Variants in IRF2 observed in about 807,000 individuals in gnomAD.
The protein encoded by IRF2 is interferon regulatory factor 2.
Under a neutral mutation model 40.6 loss-of-function variants are expected in IRF2, and 15 were observed. The observed-to-expected ratio is 0.37, with a 90% CI of 0.25 to 0.57. IRF2 has a LOEUF of 0.57. Ranked by LOEUF, IRF2 falls within the 20% of genes least tolerant of loss-of-function variation. The pLI is 0.77. For synonymous variants in IRF2, 151 were observed against 165.5 expected, an observed-to-expected ratio of 0.91 and a Z score of 0.67; for missense variants, 317 against 455.7, an observed-to-expected ratio of 0.70 and a Z score of 2.77.
At position 184,388,564 on chromosome 4, in the gene IRF2, C is replaced by T. The variant is rs1736136546; in HGVS notation, c.*194G>A. Reference sequence around the variant, plus strand: ...TCCAGCAGGCTCTAGAAACACACGTCTACCAATGGGCTGGAGTCCTGAGTT... The same window carrying T: ...TCCAGCAGGCTCTAGAAACACACGTTTACCAATGGGCTGGAGTCCTGAGTT... On this transcript the variant is annotated 3_prime_UTR_variant, in exon 9 of 9. Transcript: ENST00000393593. The surrounding 1 kb of genome is among the most constrained non-coding windows in gnomAD (Gnocchi z 4.6). The T allele has an allele frequency of 1.4e-5, 8 of 584,720 alleles. No homozygotes were observed. In the South Asian group the frequency reaches 1.8e-4, roughly 13 times the overall value. 36.2% of individuals were successfully genotyped at this position (584,720 alleles called of 1,614,324 possible).
chr4:184,438,377 T>C (rs1486727441), intron 1 of IRF2, among the ~76,000 whole-genome samples: 4 of 152,232 alleles, frequency 2.6e-5, no homozygotes, highest in African/African-American at 9.6e-5. Flanking sequence ...CACTTTTAAC[T>C]TAATTTTAAT....
rs534947929 is a variant in IRF2 at position 184,390,099 on chromosome 4, C to T, written c.741+604G>A. Among the ~76,000 whole-genome samples the T allele has an allele frequency of 2.0e-5, 3 of 152,280 alleles. No homozygotes were observed. In the East Asian group the frequency reaches 5.8e-4, roughly 29 times the overall value. On this transcript the variant is annotated intron_variant, in intron 8 of 8. Coordinates refer to ENST00000393593, the MANE Select transcript of IRF2 (RefSeq NM_002199.4). ...CCATGAGCTTCCCTCTCTCTTGCTC[C>T]CTCCCTCTCTCTCTCTCATTCACTC...
intron 2 of IRF2, 81 bp from the exon 3 acceptor site, chr4:184,419,649 A>G (rs2149900722): frequency 1.1e-6 from 1 of 914,778 alleles, no homozygotes; most frequent in Non-Finnish European, 1.7e-6. Flanking sequence ...GTGAAGGTCT[A>G]GCCAGCAAGA....
intron 6 of IRF2, among the ~76,000 whole-genome samples, chr4:184,401,027 A>G (rs1456143076): frequency 1.3e-5 from 2 of 152,250 alleles, no homozygotes; most frequent in Admixed American, 1.3e-4. Context: ...CCTGTTATAG[A>G]TGAAGAAACT....
chr4:184,456,286 A>G lies in IRF2; in HGVS notation c.-7+18093T>C, dbSNP rs1738929317. Among the ~76,000 whole-genome samples the G allele has an allele frequency of 2.0e-5, 3 of 152,220 alleles. No individual in the cohort carries two copies. The South Asian group carries it at 6.2e-4, about 32-fold the overall frequency. ...TTTATGTAAAAACCCAGAAGAGAGG[A>G]CTCTGGAAGGCTTCCTAGAAGAGGG... On this transcript the variant is annotated intron_variant, in intron 1 of 8. Transcript: ENST00000393593.
chr4:184,403,318 G>C (rs1028332621), intron 6 of IRF2, among the ~76,000 whole-genome samples: 1 of 152,120 alleles, frequency 6.6e-6, no homozygotes, highest in Non-Finnish European at 1.5e-5. Context: ...GGACCACCAA[G>C]CGGCAAAACA....
chr4:184,472,898 C>G (rs926219263), intron 1 of IRF2, among the ~76,000 whole-genome samples: 1 of 152,230 alleles, frequency 6.6e-6, no homozygotes, highest in African/African-American at 2.4e-5. Context: ...TTCCCCTCCC[C>G]CGCTTCTTAG....
chr4:184,408,233 T>C lies in IRF2; in HGVS notation c.454A>G (p.Ser152Gly). Residue 152 changes from serine to glycine, a missense_variant, in exon 6 of 9, where the codon AGT (serine) becomes GGT (glycine). By Grantham distance (56) the Ser-to-Gly change is moderately conservative (BLOSUM62 0). Around this residue, in one of 2 missense-constraint regions of IRF2, gnomAD observed 262 missense variants for 334.0 expected, o/e 0.78. Transcript: ENST00000393593. This position sits in a 1 kb window ranked among gnomAD's most constrained non-coding sequence, Gnocchi z 4.9. Reference protein sequence around the residue: ...ESSLGLSNGVSDLSPEYAVLT... With the variant: ...ESSLGLSNGVGDLSPEYAVLT... ...ACCGCATACTCAGGAGAAAGATCAC[T>C]TACTCCATTACTAAGCCCCAGAGAT... 6.2e-7 allele frequency: 1 copy of C among 1,613,434 alleles called. No individual in the cohort carries two copies. Among genetic ancestry groups the C allele is most frequent in the African/African-American group, 1.3e-5 (1 of 75,040 alleles).
intron 2 of IRF2, among the ~76,000 whole-genome samples, chr4:184,420,379 A>G (rs1482965539): frequency 6.6e-6 from 1 of 152,082 alleles, no homozygotes; most frequent in African/African-American, 2.4e-5. Context: ...AAATATCTCC[A>G]TTTGCTTGTG....
intron 1 of IRF2, among the ~76,000 whole-genome samples, chr4:184,446,674 C>G (rs1179903861): frequency 5.3e-5 from 8 of 152,104 alleles, no homozygotes; most frequent in African/African-American, 1.9e-4. Context: ...TTTCATATAT[C>G]TCAATAAACA....
intron 1 of IRF2, among the ~76,000 whole-genome samples, chr4:184,473,100 T>C (rs1408552855): frequency 6.6e-6 from 1 of 151,504 alleles, no homozygotes; most frequent in Non-Finnish European, 1.5e-5. Context: ...CGCGGCCGGC[T>C]TCACTCGGTG....
chr4:184,418,617 T>G lies in IRF2; in HGVS notation c.279A>C (p.Glu93Asp). Reference sequence around the variant, plus strand: ...CTTTCTTTATGCTTTTATCCTTGACTTCTTCAATATCAGGCAAGGAATTCA... The same window carrying G: ...CTTTCTTTATGCTTTTATCCTTGACGTCTTCAATATCAGGCAAGGAATTCA... Reference protein sequence around the residue: ...CAMNSLPDIEEVKDKSIKKGN... With the variant: ...CAMNSLPDIEDVKDKSIKKGN... Residue 93 changes from glutamate to aspartate, a missense_variant, in exon 4 of 9, where the codon GAA becomes GAC. By Grantham distance (45) the Glu-to-Asp change is conservative. This residue lies in a region of IRF2 where 262 missense variants were observed against 334.0 expected (regional missense o/e 0.78). Transcript: ENST00000393593. 6.2e-7 allele frequency: 1 copy of G among 1,614,216 alleles called. No homozygotes were observed. Among genetic ancestry groups the G allele is most frequent in the Non-Finnish European group, 8.5e-7 (1 of 1,180,006 alleles).
chr4:184,409,624 G>C (rs906053718), intron 5 of IRF2, among the ~76,000 whole-genome samples: 1 of 152,170 alleles, frequency 6.6e-6, no homozygotes, highest in African/African-American at 2.4e-5. Context: ...GCCAAGCACG[G>C]TGGCTCACCC....
intron 6 of IRF2, among the ~76,000 whole-genome samples, chr4:184,405,404 C>T (rs1281370584): frequency 2.6e-5 from 4 of 152,198 alleles, no homozygotes; most frequent in Non-Finnish European, 5.9e-5. Context: ...TGGACAAAGC[C>T]TTTGCAGCTG....
rs1212345755 is a variant in IRF2, at chr4:184,447,664, A to C, written c.-6-18594T>G. 2.0e-5 allele frequency among the ~76,000 whole-genome samples: 3 copies of C among 152,252 alleles called. No individual in the cohort carries two copies. The East Asian group carries it at 5.8e-4, about 29-fold the overall frequency. ...CGTTACGAATTAAGGGGCAAATCAA[A>C]AGCATGTATCACCTGTAAGGATGCA... On this transcript the variant is annotated intron_variant, in intron 1 of 8. Transcript: ENST00000393593.
At chr4:184,398,670 T>TA (rs1047311101) in intron 7 of IRF2, among the ~76,000 whole-genome samples, 2 of 146,424 alleles carry the variant, frequency 1.4e-5, no homozygotes, top group African/African-American at 5.1e-5. Context: ...AAAAAAAAAA[T>TA]AAATAAATAA....
intron 2 of IRF2, among the ~76,000 whole-genome samples, chr4:184,425,011 C>G (rs1419901857): frequency 6.6e-6 from 1 of 152,220 alleles, no homozygotes. Flanking sequence ...CTAGGCCTGG[C>G]CCTGAGCATG....
intron 7 of IRF2, among the ~76,000 whole-genome samples, chr4:184,395,238 C>T (rs1308538873): frequency 3.3e-5 from 5 of 151,658 alleles, no homozygotes; most frequent in Non-Finnish European, 7.4e-5. Flanking sequence ...GGTGAAACCC[C>T]GTCTCTACTA....
At chr4:184,404,459 A>G (rs1736777741) in intron 6 of IRF2, among the ~76,000 whole-genome samples, 1 of 152,194 alleles carries the variant, frequency 6.6e-6, no homozygotes, top group Admixed American at 6.5e-5. Context: ...ATTTCACTTC[A>G]TCCTCACAAT....
Sources: gnomAD v4.1 joint callset for allele counts (sites outside exome capture counted in the v4.1 genomes callset) on GRCh38, gnomAD v4.1.1 for gene constraint, gnomAD v4.1.1 regional missense constraint, Gnocchi (gnomAD v3.1) non-coding constraint, MANE v1.5 for transcripts, NCBI Gene and HGNC (gene_info 2026-07-23, HGNC 2026-07-21) for gene names.